C20orf203: variants seen among roughly 807,000 people sequenced by gnomAD.
C20orf203 encodes the protein uncharacterized protein C20orf203.
C20orf203 carries 16 observed loss-of-function variants against 15.9 expected under a neutral mutation model. The observed-to-expected ratio is 1.01, with a 90% CI of 0.68 to 1.53. The LOEUF is 1.53. Ranked by LOEUF, C20orf203 falls within the 40% of genes most tolerant of loss-of-function variation. C20orf203 has a pLI of 0.00. For missense variants in C20orf203, 263 were observed against 247.5 expected (o/e 1.06, Z -0.42); for synonymous variants, 98 against 97.2 (o/e 1.01, Z -0.05).
At chr20:32,666,221 T>C (rs1472926100) in intron 1 of C20orf203, among the ~76,000 whole-genome samples, 7 of 150,510 alleles carry the variant, frequency 4.7e-5, no homozygotes, top group Non-Finnish European at 1.0e-4. Context: ...AATCTCAGCA[T>C]TTTGGGAGGC....
intron 1 of C20orf203, among the ~76,000 whole-genome samples, chr20:32,668,517 T>G (rs1983087365): frequency 6.6e-6 from 1 of 151,564 alleles, no homozygotes; most frequent in Admixed American, 6.6e-5. Flanking sequence ...TCCCAGCTAC[T>G]CGGGAGGGTG....
At chr20:32,673,438 G>T (rs915272314) in intron 1 of C20orf203, among the ~76,000 whole-genome samples, 194 bp downstream of exon 1, 3 of 152,194 alleles carry the variant, frequency 2.0e-5, no homozygotes, top group Non-Finnish European at 2.9e-5. Flanking sequence ...CCACATTCGG[G>T]GAGCCTCACC....
At chr20:32,645,548 C>G (rs6141329) in intron 4 of C20orf203, among the ~76,000 whole-genome samples, 2,093 of 152,356 alleles carry the variant, frequency 0.014, 129 homozygotes, top group Admixed American at 0.097. Context: ...GGCCACTCCT[C>G]TCCTGCGAGA....
intron 4 of C20orf203, among the ~76,000 whole-genome samples, 169 bp from the exon 5 acceptor site, chr20:32,640,856 C>A (rs4911251): frequency 6.6e-6 from 1 of 152,094 alleles, no homozygotes; most frequent in Admixed American, 6.5e-5. Flanking sequence ...GGATTTCCCT[C>A]TTCTGGACAT....
At chr20:32,653,989 A>T (rs1250276288) in intron 1 of C20orf203, among the ~76,000 whole-genome samples, 1 of 151,940 alleles carries the variant, frequency 6.6e-6, no homozygotes, top group Non-Finnish European at 1.5e-5. Flanking sequence ...GCTACTCAGG[A>T]GGCTGAAGCA....
chr20:32,657,399 A>T (rs1163623972), intron 1 of C20orf203: 1 of 152,172 alleles, frequency 6.6e-6, no homozygotes, highest in Non-Finnish European at 1.5e-5. Context: ...CTGAGGTAGG[A>T]GAATCACTTG....
chr20:32,631,644 C>T lies in C20orf203; in HGVS notation c.*3926G>A, dbSNP rs1366297618. The T allele has an allele frequency of 2.0e-5, 3 of 152,134 alleles. No individual in the cohort carries two copies. The highest frequency in any genetic ancestry group is 4.4e-5 in the Non-Finnish European group (3 of 68,040). 9.4% of individuals were successfully genotyped at this position (152,134 alleles called of 1,614,324 possible). ...AGGAGGTAAAGAGGAATTACATGGC[C>T]TTTTATTCACTACATTTTATTAATG... On this transcript the variant is annotated 3_prime_UTR_variant, in exon 6 of 6. Transcript: ENST00000608990.
chr20:32,652,739 G>A (rs1982666508), intron 1 of C20orf203, among the ~76,000 whole-genome samples: 1 of 152,148 alleles, frequency 6.6e-6, no homozygotes, highest in East Asian at 1.9e-4. Context: ...ACCAGTTTGG[G>A]GGGCTTCCTG....
rs1982003902 is a variant in C20orf203, at chr20:32,631,890, G to A, written c.*3680C>T. On this transcript the variant is annotated 3_prime_UTR_variant, in exon 6 of 6. Coordinates refer to ENST00000608990, the MANE Select transcript of C20orf203 (RefSeq NM_182584.4). ...GTGGCTCCCTCTCCCCAAGGCCAGA[G>A]CCAGAGAGAGCTGGTTTCCACAGCA... The A allele has an allele frequency of 6.6e-6, 1 of 152,268 alleles. No individual in the cohort carries two copies. Among genetic ancestry groups the A allele is most frequent in the Admixed American group, 6.5e-5 (1 of 15,276 alleles). 9.4% of individuals were successfully genotyped at this position (152,268 alleles called of 1,614,324 possible).
intron 4 of C20orf203, among the ~76,000 whole-genome samples, chr20:32,647,436 G>A (rs1459028447): frequency 6.6e-6 from 1 of 151,706 alleles, no homozygotes; most frequent in African/African-American, 2.4e-5. Context: ...TGGCTTGGTG[G>A]CTCATGCCTG....
chr20:32,668,602 G>C (rs934354411), intron 1 of C20orf203, among the ~76,000 whole-genome samples: 1 of 151,634 alleles, frequency 6.6e-6, no homozygotes, highest in African/African-American at 2.4e-5. Context: ...CTCCAGCCTA[G>C]GTGACAGAGT....
intron 1 of C20orf203, among the ~76,000 whole-genome samples, chr20:32,661,670 A>G (rs1982894415): frequency 1.3e-5 from 2 of 152,112 alleles, no homozygotes; most frequent in African/African-American, 4.8e-5. Flanking sequence ...CTGGGGACTA[A>G]ATCAGGGCCC....
intron 5 of C20orf203, among the ~76,000 whole-genome samples, chr20:32,638,404 G>T (rs1452299293): frequency 6.6e-6 from 1 of 152,192 alleles, no homozygotes. Context: ...ACTCTGGAGG[G>T]TGCTGCTAAC....
intron 4 of C20orf203, among the ~76,000 whole-genome samples, chr20:32,643,577 T>C (rs1237852463): frequency 2.7e-5 from 4 of 150,118 alleles, no homozygotes; most frequent in African/African-American, 4.9e-5. Flanking sequence ...AAGGGCACCA[T>C]TGTCACATAG....
intron 1 of C20orf203, among the ~76,000 whole-genome samples, chr20:32,656,156 A>G (rs1393751699): frequency 2.0e-5 from 3 of 152,186 alleles, no homozygotes; most frequent in African/African-American, 7.2e-5. Flanking sequence ...AGCCAAATAA[A>G]CCTCTTTTCT....
At chr20:32,653,590 T>C (rs1328786410) in intron 1 of C20orf203, among the ~76,000 whole-genome samples, 2 of 152,120 alleles carry the variant, frequency 1.3e-5, no homozygotes, top group Non-Finnish European at 1.5e-5. Context: ...AGAAGAGTGT[T>C]CCTACAGCTG....
At chr20:32,638,864 G>C (rs375898851) in intron 5 of C20orf203, among the ~76,000 whole-genome samples, 2 of 152,242 alleles carry the variant, frequency 1.3e-5, no homozygotes, top group South Asian at 2.1e-4. Flanking sequence ...CTCCTCCTGC[G>C]CTCCCGGCAA....
intron 5 of C20orf203, among the ~76,000 whole-genome samples, chr20:32,637,415 A>G (rs968533887): frequency 2.6e-5 from 4 of 152,138 alleles, no homozygotes; most frequent in Non-Finnish European, 5.9e-5. Flanking sequence ...GACTGTCTCA[A>G]AATAAAAAGA....
rs13036962 is a variant in C20orf203, at chr20:32,651,208, T to G, written c.-14-42A>C. On this transcript the variant is annotated intron_variant, in intron 2 of 5. Transcript: ENST00000608990. ...AAAAAAAAAAATTAGCTGGGTGTGT[T>G]GGCTTGCGCCTGAGGGTTCAGCTAC... 8.1e-6 allele frequency: 4 copies of G among 496,656 alleles called. No homozygotes were observed. In the East Asian group the frequency reaches 1.3e-4, roughly 16 times the overall value. The allele number at this position is 496,656 out of a possible 1,614,324, so 30.8% of individuals were successfully genotyped here.
Sources: allele counts gnomAD v4.1 joint callset (sites outside exome capture counted in the v4.1 genomes callset), GRCh38; gene constraint gnomAD v4.1.1; transcripts MANE v1.5; gene names NCBI Gene and HGNC (gene_info 2026-07-23, HGNC 2026-07-21).